Variants in ZNF626 observed in about 807,000 individuals in gnomAD.
ZNF626 encodes CTC-513N18.7.
Under a neutral mutation model 11.7 loss-of-function variants are expected in ZNF626, and 4 were observed. The observed-to-expected ratio is 0.34, with a 90% confidence interval of 0.17 to 0.78. The LOEUF (loss-of-function observed/expected upper bound fraction) is 0.78. Among genes scored for constraint, ZNF626 ranks in the 30% least tolerant of loss-of-function variants. ZNF626 has a pLI of 0.57. For missense variants in ZNF626, 588 were observed against 587.1 expected (o/e 1.00, Z -0.01); for synonymous variants, 179 against 198.6 (o/e 0.90, Z 0.83).
At chr19:20,627,984 G>A (rs1969859430) in intron 3 of ZNF626, among the ~76,000 whole-genome samples, 1 of 152,104 alleles carries the variant, frequency 6.6e-6, no homozygotes, top group Non-Finnish European at 1.5e-5. Flanking sequence ...CTGTGTCCAT[G>A]TATTCTCATT....
chr19:20,644,572 T>C (rs1555771726), intron 3 of ZNF626: 1 of 153,774 alleles, frequency 6.5e-6, no homozygotes, highest in African/African-American at 2.4e-5. Context: ...TGAAGAGGTG[T>C]CTGCTCCATC....
chr19:20,634,367 C>T (rs1234277917), intron 3 of ZNF626, among the ~76,000 whole-genome samples: 2 of 146,518 alleles, frequency 1.4e-5, no homozygotes, highest in African/African-American at 2.5e-5. Context: ...CTTCTCATTA[C>T]CTCATACAAC....
chr19:20,642,261 T>C (rs990925487), intron 3 of ZNF626, among the ~76,000 whole-genome samples: 1 of 152,188 alleles, frequency 6.6e-6, no homozygotes, highest in East Asian at 1.9e-4. Context: ...TCTAAAATTA[T>C]AATACATAAG....
chr19:20,659,624 T>C (rs542500289), intron 1 of ZNF626, among the ~76,000 whole-genome samples: 1 of 152,026 alleles, frequency 6.6e-6, no homozygotes, highest in South Asian at 2.1e-4. Flanking sequence ...ATCTCCAATG[T>C]AGGAGAAAAG....
At chr19:20,641,831 A>G (rs1970027562) in intron 3 of ZNF626, among the ~76,000 whole-genome samples, 2 of 152,090 alleles carry the variant, frequency 1.3e-5, no homozygotes, top group Admixed American at 1.3e-4. Flanking sequence ...CTGGGATTAC[A>G]GAAGAGAGCC....
chr19:20,620,807 G>A lies in ZNF626; in HGVS notation c.*3483C>T, dbSNP rs538654957. 1.3e-5 allele frequency: 2 copies of A among 151,044 alleles called. No homozygotes were observed. The highest frequency in any genetic ancestry group is 2.9e-5 in the Non-Finnish European group (2 of 67,958). The allele number at this position is 151,044 out of a possible 1,614,324, so 9.4% of individuals were successfully genotyped here. ...CTGCCTCAGCCTCCGAAATTGCTGGGATAATAGGCATGAGGCACTGCACAT... is the reference window on the plus strand; with the variant it reads ...CTGCCTCAGCCTCCGAAATTGCTGGAATAATAGGCATGAGGCACTGCACAT... On this transcript the variant is annotated 3_prime_UTR_variant, in exon 4 of 4. Coordinates refer to ENST00000601440, the MANE Select transcript of ZNF626 (RefSeq NM_001076675.3).
In ZNF626 at chr19:20,622,288, T is replaced by G. The variant is rs1391510331; in HGVS notation, c.*2002A>C. The stretch of plus-strand genomic sequence containing the variant: ...GCATTTTATTACGTAACAGTAAAAT[T>G]AGTAAAATAATTGATATACTTTAAT... On this transcript the variant is annotated 3_prime_UTR_variant, in exon 4 of 4. Coordinates refer to ENST00000601440, the MANE Select transcript of ZNF626 (RefSeq NM_001076675.3). 1 of 152,230 alleles carries G rather than the reference T, an allele frequency of 6.6e-6. No individual in the cohort carries two copies. The highest frequency in any genetic ancestry group is 1.5e-5 in the Non-Finnish European group (1 of 68,046). 9.4% of individuals were successfully genotyped at this position (152,230 alleles called of 1,614,324 possible).
At chr19:20,655,809 C>A (rs1433046862) in intron 1 of ZNF626, among the ~76,000 whole-genome samples, 1 of 151,966 alleles carries the variant, frequency 6.6e-6, no homozygotes, top group Non-Finnish European at 1.5e-5. Context: ...GTGGCGGGTG[C>A]CTGTAGTCCC....
In ZNF626 at chr19:20,620,861, ACG is replaced by A. The variant is rs1416676001; in HGVS notation, c.*3427_*3428del. The A allele has an allele frequency of 8.0e-6, 1 of 124,742 alleles. No homozygotes were observed. Among genetic ancestry groups the A allele is most frequent in the Non-Finnish European group, 1.7e-5 (1 of 58,156 alleles). The allele number at this position is 124,742 out of a possible 1,614,324, so 7.7% of individuals were successfully genotyped here. ...CGTATTTTTTCTTTTTTTTTTTGTGACGGAGTCTTGCTCTGTTGCCCAGGCTG... is the reference window on the plus strand; with the variant it reads ...CGTATTTTTTCTTTTTTTTTTTGTGAGAGTCTTGCTCTGTTGCCCAGGCTG... On this transcript the variant is annotated 3_prime_UTR_variant, in exon 4 of 4. Coordinates refer to ENST00000601440, the MANE Select transcript of ZNF626 (RefSeq NM_001076675.3).
chr19:20,651,104 T>C (rs1241220995), intron 1 of ZNF626, among the ~76,000 whole-genome samples: 2 of 151,330 alleles, frequency 1.3e-5, no homozygotes, highest in African/African-American at 2.4e-5. Flanking sequence ...GGAGAATCAC[T>C]TGAACCCAAA....
chr19:20,641,987 AAAACTGTTTCTCTCACAAAAGG>A (rs1970029395), intron 3 of ZNF626, among the ~76,000 whole-genome samples: 1 of 152,146 alleles, frequency 6.6e-6, no homozygotes, highest in Non-Finnish European at 1.5e-5. Flanking sequence ...TTCAAATCAC[AAAACTGTTTCTCTCACAAAAGG>A]AAATATATAT....
chr19:20,661,226 T>C (rs1452605639), intron 1 of ZNF626, among the ~76,000 whole-genome samples: 1 of 146,152 alleles, frequency 6.8e-6, no homozygotes, highest in Non-Finnish European at 1.5e-5. Flanking sequence ...CAGGCCAGGG[T>C]AGTCACCGCG....
At position 20,624,235 on chromosome 19, in the gene ZNF626, T is replaced by C. The variant is rs782101080; in HGVS notation, c.*55A>G. Reference sequence around the variant, plus strand: ...CTTATGTGTAGTAAGGTTAGAGAAATGCTTAAAAGCTTTGTCACATTCTTC... The same window carrying C: ...CTTATGTGTAGTAAGGTTAGAGAAACGCTTAAAAGCTTTGTCACATTCTTC... On this transcript the variant is annotated 3_prime_UTR_variant, in exon 4 of 4. Transcript: ENST00000601440. 3 of 1,612,164 alleles carry C rather than the reference T, an allele frequency of 1.9e-6. No homozygotes were observed. The highest frequency in any genetic ancestry group is 1.3e-5 in the African/African-American group (1 of 74,824).
At chr19:20,640,666 A>AT (rs1970014790) in intron 3 of ZNF626, among the ~76,000 whole-genome samples, 1 of 151,656 alleles carries the variant, frequency 6.6e-6, no homozygotes, top group Non-Finnish European at 1.5e-5. Flanking sequence ...ATGAAAAAAA[A>AT]AAACACAATG....
intron 1 of ZNF626, among the ~76,000 whole-genome samples, chr19:20,647,555 C>T (rs375622875): frequency 2.8e-5 from 4 of 143,032 alleles, no homozygotes; most frequent in African/African-American, 1.0e-4. Context: ...GGCGCAGTCT[C>T]GGCTCACTGC....
At chr19:20,654,225 G>A (rs1970179603) in intron 1 of ZNF626, among the ~76,000 whole-genome samples, 2 of 152,134 alleles carry the variant, frequency 1.3e-5, no homozygotes, top group Non-Finnish European at 2.9e-5. Flanking sequence ...TGAATCACGA[G>A]GTCAGGAGTT....
At chr19:20,654,214 G>A (rs1970179331) in intron 1 of ZNF626, among the ~76,000 whole-genome samples, 3 of 152,140 alleles carry the variant, frequency 2.0e-5, no homozygotes, top group African/African-American at 7.2e-5. Flanking sequence ...GCCGAGGCAG[G>A]TGAATCACGA....
At chr19:20,626,859 A>G (rs144423060) in intron 3 of ZNF626, among the ~76,000 whole-genome samples, 1 of 152,242 alleles carries the variant, frequency 6.6e-6, no homozygotes, top group Non-Finnish European at 1.5e-5. Context: ...TGCTAAAAAT[A>G]CAAAAAATTA....
intron 1 of ZNF626, among the ~76,000 whole-genome samples, chr19:20,661,150 C>T (rs1970262975): frequency 6.6e-6 from 1 of 152,228 alleles, no homozygotes; most frequent in African/African-American, 2.4e-5. Flanking sequence ...GCCCACCCTC[C>T]CCTGGTCCCT....
Sources: allele counts gnomAD v4.1 joint callset (sites outside exome capture counted in the v4.1 genomes callset), GRCh38; gene constraint gnomAD v4.1.1; transcripts MANE v1.5; gene names NCBI Gene and HGNC (gene_info 2026-07-23, HGNC 2026-07-21).